ADGRV1: variants seen among roughly 807,000 people sequenced by gnomAD.
The protein encoded by ADGRV1 is G-protein coupled receptor 98.
Under a neutral mutation model 596.2 loss-of-function variants are expected in ADGRV1, and 359 were observed. That is an observed-to-expected ratio of 0.60 (90% CI 0.55 to 0.66). ADGRV1 has a LOEUF of 0.66. Ranked by LOEUF, ADGRV1 falls within the 30% of genes least tolerant of loss-of-function variation. The pLI, the probability that ADGRV1 is intolerant of heterozygous loss-of-function variation, is 0.00. For synonymous variants in ADGRV1, 2,681 were observed against 2,679.2 expected (o/e 1.00, Z -0.02); for missense variants, 7,274 against 7,575.6 (o/e 0.96, Z 1.48).
At chr5:90,823,335 G>A in intron 75 of ADGRV1, 90 bp from the exon 76 acceptor site, 9 of 1,292,966 alleles carry the variant, frequency 7.0e-6, no homozygotes, top group Non-Finnish European at 9.9e-6. Context: ...GTATACTTTG[G>A]ATGAAGAGGT....
chr5:90,806,154 TGAGA>T (rs1261446743), intron 72 of ADGRV1, among the ~76,000 whole-genome samples: 1 of 152,156 alleles, frequency 6.6e-6, no homozygotes, highest in Non-Finnish European at 1.5e-5. Context: ...TCGGCATCAC[TGAGA>T]GATAAGAAGG....
At chr5:90,975,312 A>G (rs1365983361) in intron 84 of ADGRV1, among the ~76,000 whole-genome samples, 1 of 152,100 alleles carries the variant, frequency 6.6e-6, no homozygotes, top group Non-Finnish European at 1.5e-5. Context: ...AAGGATCTAG[A>G]ACTAGAAATA....
intron 83 of ADGRV1, among the ~76,000 whole-genome samples, chr5:90,901,649 CA>C (rs1771853104): frequency 6.6e-6 from 1 of 151,924 alleles, no homozygotes; most frequent in Non-Finnish European, 1.5e-5. Context: ...TGCTTGCTCC[CA>C]AAGGAGAATT....
intron 27 of ADGRV1, among the ~76,000 whole-genome samples, chr5:90,681,778 A>G (rs1163953576): frequency 6.6e-6 from 1 of 152,162 alleles, no homozygotes; most frequent in Non-Finnish European, 1.5e-5. Flanking sequence ...TAAAATATCA[A>G]TGGCTAGTAC....
At position 90,692,039 on chromosome 5, in the gene ADGRV1, A is replaced by G. The variant is rs547971526; in HGVS notation, c.6952-566A>G. On this transcript the variant is annotated intron_variant, in intron 31 of 89. Coordinates refer to ENST00000405460, the MANE Select transcript of ADGRV1 (RefSeq NM_032119.4). ...ATTCTTTAATAGTATAAAATTTTAT[A>G]CAAGTTCATAAAATTTATTTTGAAT... 1.4e-4 allele frequency among the ~76,000 whole-genome samples: 21 copies of G among 152,328 alleles called. 1 individual carries two copies. The South Asian group carries it at 4.3e-3, about 32-fold the overall frequency.
chr5:91,031,485 C>G (rs1372593684), intron 85 of ADGRV1, among the ~76,000 whole-genome samples: 1 of 152,164 alleles, frequency 6.6e-6, no homozygotes, highest in Non-Finnish European at 1.5e-5. Flanking sequence ...TCAGAGAAAG[C>G]CACCATAAAG....
chr5:90,685,968 A>G lies in ADGRV1; in HGVS notation c.6463A>G (p.Lys2155Glu), dbSNP rs370852460. ...ATTTGCAGATGTCTCTGTGAAGTTT[A>G]AAGCTGTGCCAATAACTGCAATAGC... ...GAFADVSVKF[K>E]AVPITAIAGE... is the part of the protein sequence containing the mutation. The change falls in exon 29 of 90, where the codon AAA becomes GAA. Residue 2155 changes from lysine to glutamate, a missense_variant. Physicochemically the swap from Lys to Glu is moderately conservative, Grantham distance 56 (BLOSUM62 1). Around this residue, in one of 5 missense-constraint regions of ADGRV1, gnomAD observed 3,643 missense variants for 3,809.2 expected, o/e 0.96. Coordinates refer to ENST00000405460, the MANE Select transcript of ADGRV1 (RefSeq NM_032119.4). The G allele has an allele frequency of 2.5e-6, 4 of 1,593,360 alleles. No individual in the cohort carries two copies. The African/African-American group carries it at 5.4e-5, about 21-fold the overall frequency.
At chr5:90,972,619 G>T (rs955083721) in intron 84 of ADGRV1, among the ~76,000 whole-genome samples, 2 of 152,040 alleles carry the variant, frequency 1.3e-5, no homozygotes, top group African/African-American at 2.4e-5. Flanking sequence ...AAATAACGAA[G>T]TGAAGGCAGA....
chr5:90,640,158 T>A (rs1292927403), intron 11 of ADGRV1, among the ~76,000 whole-genome samples: 1 of 152,214 alleles, frequency 6.6e-6, no homozygotes, highest in African/African-American at 2.4e-5. Context: ...TGCATTTGAC[T>A]TTAAAAATGA....
chr5:90,968,525 G>A (rs1361688088), intron 84 of ADGRV1, among the ~76,000 whole-genome samples: 1 of 152,186 alleles, frequency 6.6e-6, no homozygotes, highest in African/African-American at 2.4e-5. Context: ...TAAAGTACCA[G>A]TGAAGTTTAA....
At chr5:90,850,710 G>A (rs1253444126) in intron 79 of ADGRV1, 6 of 152,118 alleles carry the variant, frequency 3.9e-5, no homozygotes, top group African/African-American at 1.4e-4. Flanking sequence ...AAAATCACAA[G>A]GTTGTCTTAG....
At chr5:90,891,875 T>C (rs1561903480) in intron 83 of ADGRV1, among the ~76,000 whole-genome samples, 1 of 152,032 alleles carries the variant, frequency 6.6e-6, no homozygotes, top group Non-Finnish European at 1.5e-5. Flanking sequence ...ATTATTAATG[T>C]AGTTAATATG....
chr5:91,045,922 A>T (rs1178384667), intron 85 of ADGRV1, among the ~76,000 whole-genome samples: 1 of 152,160 alleles, frequency 6.6e-6, no homozygotes, highest in East Asian at 1.9e-4. Flanking sequence ...CACCTCTTAT[A>T]ATAGCTGCAA....
chr5:90,697,025 T>G lies in ADGRV1; in HGVS notation c.8034T>G (p.Thr2678=), dbSNP rs200712751. Residue 2678 remains threonine (T), a synonymous_variant, in exon 34 of 90, where the codon ACT becomes ACG. Transcript: ENST00000405460. ...GTATCATAGTTAGTTTGGTGTACACTGAAGGTGGAAGTAGAATTTTGCCAA... is the reference window on the plus strand; with the variant it reads ...GTATCATAGTTAGTTTGGTGTACACGGAAGGTGGAAGTAGAATTTTGCCAA... ...DESIIVSLVY[T]EGGSRILPSS... 162 of 1,613,364 alleles carry G rather than the reference T, an allele frequency of 1.0e-4. No individual in the cohort carries two copies. The highest frequency in any genetic ancestry group is 9.9e-4 in the Middle Eastern group (6 of 6,060).
chr5:90,661,941 C>A (rs1295932101), intron 21 of ADGRV1, among the ~76,000 whole-genome samples: 1 of 152,128 alleles, frequency 6.6e-6, no homozygotes. Flanking sequence ...CTTGGATGAC[C>A]TTGTCAGAAA....
intron 76 of ADGRV1, among the ~76,000 whole-genome samples, chr5:90,824,085 A>G (rs1561807355): frequency 6.6e-6 from 1 of 152,162 alleles, no homozygotes; most frequent in African/African-American, 2.4e-5. Context: ...TTTATCTTGC[A>G]TGGTATCTCT....
chr5:91,104,045 C>T (rs1791630092), intron 87 of ADGRV1, among the ~76,000 whole-genome samples: 1 of 151,876 alleles, frequency 6.6e-6, no homozygotes, highest in Non-Finnish European at 1.5e-5. Flanking sequence ...GGGAAGCCAT[C>T]GAAGTTGTGA....
chr5:90,662,187 C>CTTTTTTTTTTTT lies in ADGRV1; in HGVS notation c.4752+3918_4752+3929dup, dbSNP rs5869513. ...TGTTTAATCATTTTTGGTTAAACAA[C>CTTTTTTTTTTTT]TTTTTTTTTTTTTTTTTTTTGAGAC... On this transcript the variant is annotated intron_variant, in intron 21 of 89. Coordinates refer to ENST00000405460, the MANE Select transcript of ADGRV1 (RefSeq NM_032119.4). Among the ~76,000 whole-genome samples the CTTTTTTTTTTTT allele has an allele frequency of 2.3e-5, 3 of 130,868 alleles. 1 individual carries two copies. The highest frequency in any genetic ancestry group is 5.8e-5 in the African/African-American group (2 of 34,236). The allele number at this position is 130,868 out of a possible 152,430, so 85.9% of individuals were successfully genotyped here. A position where few individuals can be genotyped will look rare whatever the true frequency, so the allele number is the denominator to read the frequency against.
At chr5:90,787,596 T>C (rs982146340) in intron 67 of ADGRV1, among the ~76,000 whole-genome samples, 6 of 147,738 alleles carry the variant, frequency 4.1e-5, no homozygotes, top group African/African-American at 1.2e-4. Context: ...CTTTCTTTTT[T>C]TTTTTTTTTT....
Sources: gnomAD v4.1 joint callset for allele counts (sites outside exome capture counted in the v4.1 genomes callset) on GRCh38, gnomAD v4.1.1 for gene constraint, gnomAD v4.1.1 regional missense constraint, MANE v1.5 for transcripts, NCBI Gene and HGNC (gene_info 2026-07-23, HGNC 2026-07-21) for gene names.